EFCAB3: variants seen among roughly 807,000 people sequenced by gnomAD.
EFCAB3 encodes EF-hand calcium-binding domain-containing protein 3.
Under a neutral mutation model 42.2 loss-of-function variants are expected in EFCAB3, and 36 were observed. The observed-to-expected ratio is 0.85, with a 90% CI of 0.65 to 1.13. The LOEUF (loss-of-function observed/expected upper bound fraction) is 1.13, where lower values mean the gene tolerates loss of function less well. Ranked by LOEUF, EFCAB3 falls within the 50% of genes most tolerant of loss-of-function variation. The pLI, the probability that EFCAB3 is intolerant of heterozygous loss-of-function variation, is 0.00. For synonymous variants in EFCAB3, 170 were observed against 172.8 expected (o/e 0.98, Z 0.13); for missense variants, 418 against 505.1 (o/e 0.83, Z 1.65).
At chr17:62,378,184 T>C (rs2070165546), upstream of EFCAB3, among the ~76,000 whole-genome samples, 2 of 152,228 alleles carry the variant, frequency 1.3e-5, no homozygotes, top group African/African-American at 4.8e-5. Flanking sequence ...ACTTTCTTTC[T>C]AAGTTCCTTG....
intron 8 of EFCAB3, among the ~76,000 whole-genome samples, chr17:62,411,882 AAGGAAGGAAGGAAGGAAGGAAGGG>A (rs781463499): frequency 0.18 from 15,330 of 83,970 alleles, 1,364 homozygotes; most frequent in South Asian, 0.39. Context: ...GGAAGGAAGG[AAGGAAGGAAGGAAGGAAGGAAGGG>A]AGGGAGGGAG....
chr17:62,384,757 A>G (rs1307598962), intron 2 of EFCAB3, among the ~76,000 whole-genome samples: 1 of 152,234 alleles, frequency 6.6e-6, no homozygotes, highest in Admixed American at 6.5e-5. Flanking sequence ...ATGGTCCCCA[A>G]CTTAACAATG....
At chr17:62,372,879 C>A (rs922799416) in intron 1 of EFCAB3, among the ~76,000 whole-genome samples, 1 of 152,192 alleles carries the variant, frequency 6.6e-6, no homozygotes, top group Non-Finnish European at 1.5e-5. Context: ...ATGCTCCAAA[C>A]CAACTGAACT....
intron 6 of EFCAB3, among the ~76,000 whole-genome samples, chr17:62,397,020 T>C (rs2070356015): frequency 6.6e-6 from 1 of 152,184 alleles, no homozygotes; most frequent in Non-Finnish European, 1.5e-5. Flanking sequence ...GTTAAATAAC[T>C]TGCCCAAGAG....
At chr17:62,398,822 A>G (rs2070376733) in intron 6 of EFCAB3, among the ~76,000 whole-genome samples, 1 of 152,210 alleles carries the variant, frequency 6.6e-6, no homozygotes, top group South Asian at 2.1e-4. Flanking sequence ...ATAAATGTCA[A>G]ATAAGTGGCA....
chr17:62,411,439 A>G (rs1443750989), intron 8 of EFCAB3, among the ~76,000 whole-genome samples: 1 of 152,212 alleles, frequency 6.6e-6, no homozygotes, highest in Non-Finnish European at 1.5e-5. Flanking sequence ...AACTTGAAAC[A>G]TTGCAGTTGA....
upstream of EFCAB3, chr17:62,380,434 G>A: frequency 3.3e-6 from 1 of 302,514 alleles, no homozygotes; most frequent in Non-Finnish European, 4.9e-6. Flanking sequence ...CAAGGGTGCT[G>A]AATGAACCAC....
upstream of EFCAB3, among the ~76,000 whole-genome samples, chr17:62,375,639 A>G (rs7220586): frequency 0.67 from 101,326 of 152,054 alleles, 34,142 homozygotes; most frequent in Admixed American, 0.77. Flanking sequence ...TAACTGAAGC[A>G]GCTGTATCAA....
At chr17:62,388,159 C>T (rs796641312) in intron 3 of EFCAB3, among the ~76,000 whole-genome samples, 26 of 151,914 alleles carry the variant, frequency 1.7e-4, no homozygotes, top group African/African-American at 4.8e-4. Context: ...TGCAGTAAGC[C>T]GAGATCGCGC....
chr17:62,387,447 T>TAAAC lies in EFCAB3; in HGVS notation c.151+33_151+34insACAA, dbSNP rs369511712. ...GAGAATCATCCTCAAAATTGAAGCA[T>TAAAC]AACAGCTCCTTAATATGTCTGATCC... On this transcript the variant is annotated intron_variant, in intron 3 of 9. Transcript: ENST00000305286. 8.5e-3 allele frequency: 13,180 copies of TAAAC among 1,555,616 alleles called. 757 individuals carry two copies. The African/African-American group carries it at 0.14, about 17-fold the overall frequency.
At chr17:62,395,603 G>A (rs911580746) in intron 6 of EFCAB3, among the ~76,000 whole-genome samples, 2 of 152,170 alleles carry the variant, frequency 1.3e-5, no homozygotes, top group Non-Finnish European at 2.9e-5. Context: ...ACTCAGAGAT[G>A]AGGTACAGCA....
chr17:62,377,466 T>C (rs919728673), upstream of EFCAB3, among the ~76,000 whole-genome samples: 5 of 152,166 alleles, frequency 3.3e-5, no homozygotes, highest in Admixed American at 6.5e-5. Context: ...GTTAAATCTG[T>C]ACTATTAAGG....
intron 6 of EFCAB3, among the ~76,000 whole-genome samples, chr17:62,405,214 A>G (rs930279072): frequency 6.6e-6 from 1 of 152,246 alleles, no homozygotes; most frequent in African/African-American, 2.4e-5. Context: ...CCATTTTCAC[A>G]GGCAAGTGAT....
At chr17:62,395,001 T>C in intron 5 of EFCAB3, 67 bp from the exon 6 acceptor site, 1 of 1,574,358 alleles carries the variant, frequency 6.4e-7, no homozygotes, top group Non-Finnish European at 8.7e-7. Flanking sequence ...AAATAATCAG[T>C]AAAGAGGTGG....
chr17:62,385,393 G>A (rs1241186642), intron 2 of EFCAB3, among the ~76,000 whole-genome samples: 2 of 152,142 alleles, frequency 1.3e-5, no homozygotes, highest in Admixed American at 6.6e-5. Flanking sequence ...AGTGAGCCAC[G>A]ATCACATCAC....
chr17:62,389,360 A>G (rs1255838422), intron 3 of EFCAB3, among the ~76,000 whole-genome samples: 11 of 152,164 alleles, frequency 7.2e-5, no homozygotes, highest in Admixed American at 7.2e-4. Flanking sequence ...CACACTCACA[A>G]TCTAGTAGTC....
intron 6 of EFCAB3, 83 bp from the exon 7 acceptor site, chr17:62,406,397 A>C (rs1166920211): frequency 3.6e-6 from 4 of 1,121,096 alleles, no homozygotes; most frequent in Admixed American, 2.8e-5. Flanking sequence ...TTTCTTCAGC[A>C]TATGTAACTA....
chr17:62,384,363 C>T (rs541054279), intron 2 of EFCAB3, among the ~76,000 whole-genome samples: 11 of 152,198 alleles, frequency 7.2e-5, no homozygotes, highest in African/African-American at 1.4e-4. Context: ...TGGCCTAGCA[C>T]GGTGGCTCAC....
intron 3 of EFCAB3, among the ~76,000 whole-genome samples, chr17:62,391,119 T>C (rs905730494): frequency 1.3e-5 from 2 of 152,134 alleles, no homozygotes; most frequent in African/African-American, 4.8e-5. Context: ...AAGTCAGAAG[T>C]CCAGGTGGGT....
Sources: allele counts gnomAD v4.1 joint callset (sites outside exome capture counted in the v4.1 genomes callset), GRCh38; gene constraint gnomAD v4.1.1; transcripts MANE v1.5; gene names NCBI Gene and HGNC (gene_info 2026-07-23, HGNC 2026-07-21).